Variants in PIP4K2A observed in about 807,000 individuals in gnomAD.
The protein encoded by PIP4K2A is phosphatidylinositol 5-phosphate 4-kinase type-2 alpha.
In PIP4K2A, 14 loss-of-function variants were observed where a neutral mutation model predicts 42.9. That is an observed-to-expected ratio of 0.33 (90% CI 0.22 to 0.51). The LOEUF (loss-of-function observed/expected upper bound fraction) is 0.51. PIP4K2A is among the 20% of genes least tolerant of loss of function. PIP4K2A has a pLI of 0.97. For missense variants in PIP4K2A, 434 were observed against 519.8 expected (o/e 0.83, Z 1.61); for synonymous variants, 192 against 192.2 (o/e 1.00, Z 0.01).
chr10:22,695,306 T>C (rs754286595), intron 1 of PIP4K2A, among the ~76,000 whole-genome samples: 21 of 152,214 alleles, frequency 1.4e-4, no homozygotes, highest in Non-Finnish European at 2.5e-4. Context: ...GGAAAACTTA[T>C]AAATAAAAAT....
At chr10:22,588,019 G>A (rs563773719) in intron 4 of PIP4K2A, among the ~76,000 whole-genome samples, 1 of 152,228 alleles carries the variant, frequency 6.6e-6, no homozygotes, top group East Asian at 1.9e-4. Context: ...AGGTTTCTGT[G>A]GAATTCTCTG....
At chr10:22,644,311 C>T (rs1838837653) in intron 1 of PIP4K2A, among the ~76,000 whole-genome samples, 2 of 152,196 alleles carry the variant, frequency 1.3e-5, no homozygotes, top group Admixed American at 6.5e-5. Context: ...CCACTTCTCT[C>T]CACCACTGCC....
At chr10:22,568,219 C>T (rs1294242133) in intron 5 of PIP4K2A, among the ~76,000 whole-genome samples, 1 of 152,222 alleles carries the variant, frequency 6.6e-6, no homozygotes, top group South Asian at 2.1e-4. Context: ...AACACTGGAT[C>T]AGCCCCACAC....
At chr10:22,611,884 C>T (rs1838050446) in intron 1 of PIP4K2A, among the ~76,000 whole-genome samples, 2 of 152,134 alleles carry the variant, frequency 1.3e-5, no homozygotes, top group Non-Finnish European at 2.9e-5. Flanking sequence ...CGAAACCCAA[C>T]GTGGAGGTGG....
At chr10:22,607,703 G>GT (rs1457639772) in intron 3 of PIP4K2A, 2 of 321,728 alleles carry the variant, frequency 6.2e-6, no homozygotes, top group African/African-American at 4.3e-5. Flanking sequence ...CCAAAGAAAA[G>GT]TAATATATTT....
intron 7 of PIP4K2A, among the ~76,000 whole-genome samples, chr10:22,544,960 G>T (rs1836226200): frequency 6.6e-6 from 1 of 152,170 alleles, no homozygotes; most frequent in Non-Finnish European, 1.5e-5. Context: ...CAGTGACACG[G>T]GGCCTCGCTG....
intron 4 of PIP4K2A, among the ~76,000 whole-genome samples, chr10:22,578,942 C>A (rs551791201): frequency 1.3e-5 from 2 of 152,208 alleles, no homozygotes; most frequent in East Asian, 3.9e-4. Flanking sequence ...TGACCCTTAC[C>A]TCCAGGTGTT....
At chr10:22,553,106 T>C (rs1588620660) in intron 6 of PIP4K2A, among the ~76,000 whole-genome samples, 1 of 152,302 alleles carries the variant, frequency 6.6e-6, no homozygotes, top group South Asian at 2.1e-4. Flanking sequence ...TAAGCTGACT[T>C]GTGAATTTCA....
At chr10:22,601,298 C>T (rs145911143) in intron 3 of PIP4K2A, among the ~76,000 whole-genome samples, 15 of 152,188 alleles carry the variant, frequency 9.9e-5, no homozygotes, top group South Asian at 2.1e-4. Flanking sequence ...AGGTTTGAGG[C>T]GGGAAACACA....
At chr10:22,709,922 T>C (rs1030353297) in intron 1 of PIP4K2A, among the ~76,000 whole-genome samples, 9 of 152,138 alleles carry the variant, frequency 5.9e-5, no homozygotes, top group Non-Finnish European at 8.8e-5. Flanking sequence ...CACTCAATAA[T>C]TTCATCTAAT....
At position 22,541,864 on chromosome 10, in the gene PIP4K2A, G is replaced by A. The variant is rs1836123792; in HGVS notation, c.976C>T (p.Pro326Ser). Residue 326 changes from proline to serine, a missense_variant, in exon 8 of 10, where the codon CCC (proline) becomes TCC (serine). Pro to Ser is a moderately conservative substitution (Grantham distance 74, BLOSUM62 -1). Around this residue, in one of 2 missense-constraint regions of PIP4K2A, gnomAD observed 395 missense variants for 444.5 expected, o/e 0.89. Coordinates refer to ENST00000376573, the MANE Select transcript of PIP4K2A (RefSeq NM_005028.5). ...SPGNTLNSSP[P>S]LAPGEFDPNI... ...GGATCGAACTCCCCGGGAGCCAGGG[G>A]TGGTGAGCTGTTCAGTGTATTCCCG... 1.2e-6 allele frequency: 2 copies of A among 1,607,246 alleles called. No homozygotes were observed. The highest frequency in any genetic ancestry group is 2.2e-5 in the East Asian group (1 of 44,850).
At chr10:22,565,674 AAG>A (rs1209788632) in intron 6 of PIP4K2A, among the ~76,000 whole-genome samples, 2 of 152,236 alleles carry the variant, frequency 1.3e-5, no homozygotes, top group Non-Finnish European at 2.9e-5. Context: ...TTCAGGGAAT[AAG>A]AGAGATAACC....
intron 1 of PIP4K2A, among the ~76,000 whole-genome samples, chr10:22,697,158 C>T (rs991241596): frequency 6.7e-6 from 1 of 150,008 alleles, no homozygotes; most frequent in Non-Finnish European, 1.5e-5. Context: ...AAAAAGGCTA[C>T]TTTGTATGTT....
intron 1 of PIP4K2A, among the ~76,000 whole-genome samples, chr10:22,624,569 A>C (rs1055295812): frequency 6.6e-6 from 1 of 152,130 alleles, no homozygotes; most frequent in Non-Finnish European, 1.5e-5. Flanking sequence ...TTTAAAAAAA[A>C]GTTGTGGAAT....
intron 1 of PIP4K2A, among the ~76,000 whole-genome samples, chr10:22,656,908 G>A (rs931118682): frequency 2.6e-5 from 4 of 151,810 alleles, no homozygotes; most frequent in Middle Eastern, 3.2e-3. Context: ...TTCTCTTTCT[G>A]ATCAAGTCAG....
intron 4 of PIP4K2A, among the ~76,000 whole-genome samples, chr10:22,586,017 A>C (rs937178768): frequency 1.3e-5 from 2 of 152,240 alleles, no homozygotes; most frequent in African/African-American, 2.4e-5. Context: ...TCAAGTAGGC[A>C]AATAGGTTTT....
At chr10:22,614,628 T>G (rs753220654) in intron 1 of PIP4K2A, among the ~76,000 whole-genome samples, 1 of 152,228 alleles carries the variant, frequency 6.6e-6, no homozygotes, top group Admixed American at 6.5e-5. Context: ...AGTAAACTAT[T>G]TTTTCAATAG....
intron 3 of PIP4K2A, among the ~76,000 whole-genome samples, chr10:22,597,032 G>A (rs897550410): frequency 9.9e-5 from 15 of 152,230 alleles, no homozygotes; most frequent in African/African-American, 3.6e-4. Context: ...TTTCGATTTT[G>A]CCAAGTAAAG....
chr10:22,582,787 A>G (rs1160654908), intron 4 of PIP4K2A, among the ~76,000 whole-genome samples: 1 of 152,110 alleles, frequency 6.6e-6, no homozygotes, highest in African/African-American at 2.4e-5. Flanking sequence ...GACCAAATAA[A>G]TAAATAAATG....
Sources: allele counts gnomAD v4.1 joint callset (sites outside exome capture counted in the v4.1 genomes callset), GRCh38; gene constraint gnomAD v4.1.1; regional missense constraint gnomAD v4.1.1; transcripts MANE v1.5; gene names NCBI Gene and HGNC (gene_info 2026-07-23, HGNC 2026-07-21).